RGS14: variants seen among roughly 807,000 people sequenced by gnomAD.
RGS14 encodes regulator of G-protein signaling 14.
RGS14 carries 33 observed loss-of-function variants against 63.8 expected under a neutral mutation model. The ratio of observed to expected loss-of-function variants is 0.52; its 90% CI spans 0.39 to 0.69. The LOEUF (loss-of-function observed/expected upper bound fraction) is 0.69. RGS14 is among the 30% of genes least tolerant of loss of function. RGS14 has a pLI of 0.00. For synonymous variants in RGS14, 296 were observed against 320.9 expected (o/e 0.92, Z 0.83); for missense variants, 739 against 742.9 (o/e 0.99, Z 0.06).
Position 177,368,214 on chromosome 5 carries a change from C to T in RGS14, c.797C>T (p.Ser266Phe), listed in dbSNP as rs1762153246. The T allele has an allele frequency of 6.2e-7, 1 of 1,613,918 alleles. No individual in the cohort carries two copies. Among genetic ancestry groups the T allele is most frequent in the Admixed American group, 1.7e-5 (1 of 59,998 alleles). ...CGAGAGTCTCAGGGCTCCCTCAACT[C>T]CTCCGCCAGCCTGGACCTTGGCTTC... ...LRRESQGSLN[S>F]SASLDLGFLA... Residue 266 changes from serine to phenylalanine, a missense_variant, in exon 8 of 15, where the codon TCC becomes TTC. Physicochemically the swap from Ser to Phe is radical, Grantham distance 155. Transcript: ENST00000408923.
chr5:177,363,916 G>T (rs765991128), intron 1 of RGS14, among the ~76,000 whole-genome samples: 2 of 152,126 alleles, frequency 1.3e-5, no homozygotes, highest in African/African-American at 4.8e-5. Flanking sequence ...GCTCAATCCC[G>T]GACAAGGTTG....
chr5:177,368,317 C>T, intron 8 of RGS14, 51 bp downstream of exon 8: 1 of 1,540,636 alleles, frequency 6.5e-7, no homozygotes, highest in East Asian at 2.3e-5. Flanking sequence ...AGAGTCACTA[C>T]TCAGGCCCAT....
chr5:177,370,737 T>TC, intron 10 of RGS14, 73 bp downstream of exon 10: 1 of 1,559,608 alleles, frequency 6.4e-7, no homozygotes, highest in East Asian at 2.3e-5. Context: ...GCTACCTGGC[T>TC]CCCCAGGCCC....
At position 177,358,060 on chromosome 5, in the gene RGS14, C is replaced by T. The variant is rs79575158; in HGVS notation, c.36C>T (p.Asn12=). The T allele has an allele frequency of 1.0e-5, 14 of 1,358,150 alleles. No homozygotes were observed. The East Asian group carries it at 1.7e-4, about 17-fold the overall frequency. The allele number at this position is 1,358,150 out of a possible 1,614,324, so 84.1% of individuals were successfully genotyped here. The change falls in exon 1 of 15, where the codon AAC becomes AAT. Residue 12 remains asparagine (N), a synonymous_variant. Transcript: ENST00000408923. This position sits in a 1 kb window ranked among gnomAD's most constrained non-coding sequence, Gnocchi z 4.8. ...AGCCCAAGCACCTGGGCGTCCCCAA[C>T]GGGCGCATGGTGAGTGTGGGCTCCG... ...PGKPKHLGVP[N]GRMVLAVSDG...
In RGS14 at chr5:177,364,929, C is replaced by T. The variant is rs1344910191; in HGVS notation, c.46-1034C>T. Reference sequence around the variant, plus strand: ...TTGGTAGAAATGGACAGCCTCAGGCCCCATCTTGGACCTACTGAACCTGAA... The same window carrying T: ...TTGGTAGAAATGGACAGCCTCAGGCTCCATCTTGGACCTACTGAACCTGAA... On this transcript the variant is annotated intron_variant, in intron 1 of 14. Transcript: ENST00000408923. This position sits in a 1 kb window ranked among gnomAD's most constrained non-coding sequence, Gnocchi z 4.6. Among the ~76,000 whole-genome samples, 1 of 152,120 alleles carries T rather than the reference C, an allele frequency of 6.6e-6. No homozygotes were observed. The highest frequency in any genetic ancestry group is 2.4e-5 in the African/African-American group (1 of 41,394).
chr5:177,358,178 A>G lies in RGS14; in HGVS notation c.45+109A>G. On this transcript the variant is annotated intron_variant, in intron 1 of 14. Coordinates refer to ENST00000408923, the MANE Select transcript of RGS14 (RefSeq NM_006480.5). This position sits in a 1 kb window ranked among gnomAD's most constrained non-coding sequence, Gnocchi z 4.8. ...AGGCAAGAGCCCACGGGCTGCCAGCAGGCGAGAGAAGTTGGGTACAGACAG... is the reference window on the plus strand; with the variant it reads ...AGGCAAGAGCCCACGGGCTGCCAGCGGGCGAGAGAAGTTGGGTACAGACAG... 1.1e-6 allele frequency: 1 copy of G among 934,060 alleles called. No individual in the cohort carries two copies. Among genetic ancestry groups the G allele is most frequent in the Non-Finnish European group, 1.4e-6 (1 of 702,556 alleles). The allele number at this position is 934,060 out of a possible 1,614,324, so 57.9% of individuals were successfully genotyped here.
intron 1 of RGS14, 111 bp from the exon 2 acceptor site, chr5:177,365,852 G>T (rs1211433458): frequency 3.7e-6 from 4 of 1,084,030 alleles, no homozygotes; most frequent in Non-Finnish European, 5.7e-6. Flanking sequence ...CCTGGCCGGG[G>T]ATGCCCAGGT....
chr5:177,365,956 CTT>C lies in RGS14; in HGVS notation c.46-6_46-5del. On this transcript the variant is annotated splice_polypyrimidine_tract_variant and splice_region_variant and intron_variant, in intron 1 of 14. Coordinates refer to ENST00000408923, the MANE Select transcript of RGS14 (RefSeq NM_006480.5). ...TCTTCTGACTTTCTCTGTTGGGTCT[CTT>C]ATAGGTTCTGGCTGTGTCAGATGGA... 2 of 1,614,024 alleles carry C rather than the reference CTT, an allele frequency of 1.2e-6. No homozygotes were observed. The highest frequency in any genetic ancestry group is 1.7e-6 in the Non-Finnish European group (2 of 1,179,904).
chr5:177,372,058 A>G lies in RGS14; in HGVS notation c.1684A>G (p.Thr562Ala). The part of the protein sequence containing the change: ...QPIGGSLNST[T>A]DSAL ...CATCGGGGGATCCTTGAACTCCACCACCGACTCAGCCCTCTGACAGCTACC... is the reference window on the plus strand; with the variant it reads ...CATCGGGGGATCCTTGAACTCCACCGCCGACTCAGCCCTCTGACAGCTACC... The change falls in exon 15 of 15, where the codon ACC becomes GCC. Residue 562 changes from threonine (T) to alanine (A), a missense_variant. Thr to Ala is a moderately conservative substitution (Grantham distance 58, BLOSUM62 0). Transcript: ENST00000408923. 1 of 1,613,894 alleles carries G rather than the reference A, an allele frequency of 6.2e-7. No homozygotes were observed. Among genetic ancestry groups the G allele is most frequent in the East Asian group, 2.2e-5 (1 of 44,868 alleles).
chr5:177,369,730 C>A (rs144457147), intron 9 of RGS14, among the ~76,000 whole-genome samples: 1 of 152,314 alleles, frequency 6.6e-6, no homozygotes, highest in East Asian at 1.9e-4. Flanking sequence ...TGGGTACTTG[C>A]GGGGCATGTT....
At chr5:177,370,803 C>A in intron 10 of RGS14, 102 bp from the exon 11 acceptor site, 4 of 1,536,892 alleles carry the variant, frequency 2.6e-6, no homozygotes, top group Non-Finnish European at 3.5e-6. Context: ...CAAGCCAGTC[C>A]CACCTTCTGC....
intron 1 of RGS14, among the ~76,000 whole-genome samples, chr5:177,363,224 C>G (rs1441421390): frequency 6.6e-6 from 1 of 152,136 alleles, no homozygotes; most frequent in Non-Finnish European, 1.5e-5. Flanking sequence ...GGGACTTTCT[C>G]CTGTCGCCGT....
chr5:177,368,596 T>C (rs1762165029), intron 8 of RGS14, 121 bp from the exon 9 acceptor site: 1 of 988,148 alleles, frequency 1.0e-6, no homozygotes, highest in Non-Finnish European at 1.5e-6. Flanking sequence ...GGACGTATCT[T>C]TGCCTGCCTT....
rs1762136714 is a variant in RGS14, at chr5:177,367,752, T to C, written c.666T>C (p.Gly222=). Residue 222 remains glycine (G), a synonymous_variant, in exon 7 of 15, where the codon GGT becomes GGC. Coordinates refer to ENST00000408923, the MANE Select transcript of RGS14 (RefSeq NM_006480.5). ...AGCCCGGGAAGTCGCTGCCGCTGGG[T>C]GTGGAGGAGTTGGGGCAGCTGCCAC... The part of the protein sequence containing the change: ...KLKPGKSLPL[G]VEELGQLPPV... The C allele has an allele frequency of 5.6e-6, 9 of 1,613,026 alleles. No individual in the cohort carries two copies. The highest frequency in any genetic ancestry group is 7.6e-6 in the Non-Finnish European group (9 of 1,179,738).
At position 177,371,464 on chromosome 5, in the gene RGS14, A is replaced by G. The variant is rs769094603; in HGVS notation, c.1384-11A>G. ...CCTCCCGATTTTGGCTCTGACCCCA[A>G]ATTCTCGCAGGGCTGCCCACCTAGA... On this transcript the variant is annotated splice_polypyrimidine_tract_variant and intron_variant, in intron 13 of 14. Transcript: ENST00000408923. This position sits in a 1 kb window ranked among gnomAD's most constrained non-coding sequence, Gnocchi z 6.1. The G allele has an allele frequency of 6.2e-6, 10 of 1,613,810 alleles. No individual in the cohort carries two copies. Among genetic ancestry groups the G allele is most frequent in the East Asian group, 2.2e-5 (1 of 44,860 alleles).
At position 177,367,477 on chromosome 5, in the gene RGS14, TGCCTGCTAGC is replaced by T. The variant is rs1762128353; in HGVS notation, c.548_557del (p.Cys183SerfsTer28). On this transcript the variant is annotated frameshift_variant, in exon 6 of 15. Coordinates refer to ENST00000408923, the MANE Select transcript of RGS14 (RefSeq NM_006480.5). LOFTEE classifies it high-confidence loss of function. Reference sequence around the variant, plus strand: ...CGTCAAGTCCCCGCTGTACCGCGAGTGCCTGCTAGCCGAAGCCGAGGGACGCCCTCTGCGG... The same window carrying T: ...CGTCAAGTCCCCGCTGTACCGCGAGTCGAAGCCGAGGGACGCCCTCTGCGG... The T allele has an allele frequency of 6.2e-7, 1 of 1,612,812 alleles. No individual in the cohort carries two copies. The highest frequency in any genetic ancestry group is 1.3e-5 in the African/African-American group (1 of 75,024).
chr5:177,367,448 G>C lies in RGS14; in HGVS notation c.518G>C (p.Arg173Pro). 1.9e-6 allele frequency: 3 copies of C among 1,611,508 alleles called. No homozygotes were observed. Among genetic ancestry groups the C allele is most frequent in the Non-Finnish European group, 2.5e-6 (3 of 1,178,878 alleles). ...TTGATGAAGTTCGACAGCTATGCGC[G>C]CTTCGTCAAGTCCCCGCTGTACCGC... ...FNLMKFDSYA[R>P]FVKSPLYREC... Residue 173 changes from arginine to proline, a missense_variant, in exon 6 of 15, where the codon CGC becomes CCC. Arg to Pro is a moderately radical substitution (Grantham distance 103). Transcript: ENST00000408923.
intron 8 of RGS14, 98 bp from the exon 9 acceptor site, chr5:177,368,619 G>A: frequency 8.1e-7 from 1 of 1,227,090 alleles, no homozygotes; most frequent in Non-Finnish European, 1.2e-6. Flanking sequence ...GAGTGCGTGT[G>A]CATGCTTGAG....
chr5:177,371,501 G>A lies in RGS14; in HGVS notation c.1410G>A (p.Lys470=), dbSNP rs547046324. ...GCTGCCCACCTAGAACTCAGGATAAGGCCACCCATCCCCCTCCAGCGTCCC... is the reference window on the plus strand; with the variant it reads ...GCTGCCCACCTAGAACTCAGGATAAAGCCACCCATCCCCCTCCAGCGTCCC... ...SQGCPPRTQD[K]ATHPPPASPS... is the part of the protein sequence containing the mutation. Residue 470 remains lysine, a synonymous_variant, in exon 14 of 15, where the codon AAG becomes AAA. Transcript: ENST00000408923. This position sits in a 1 kb window ranked among gnomAD's most constrained non-coding sequence, Gnocchi z 6.1. 26 of 1,614,128 alleles carry A rather than the reference G, an allele frequency of 1.6e-5. No homozygotes were observed. In the East Asian group the frequency reaches 3.3e-4, roughly 21 times the overall value.
Sources: allele counts gnomAD v4.1 joint callset (sites outside exome capture counted in the v4.1 genomes callset), GRCh38; gene constraint gnomAD v4.1.1; non-coding constraint Gnocchi (gnomAD v3.1); transcripts MANE v1.5; gene names NCBI Gene and HGNC (gene_info 2026-07-23, HGNC 2026-07-21).